LOC128125822: variants seen among roughly 807,000 people sequenced by gnomAD.
At chr6:63,572,611 C>T in the LOC128125822 span, 2 of 419,418 alleles carry the variant, frequency 4.8e-6, no homozygotes, top group South Asian at 1.1e-4. Context: ...CGCTCCGCCA[C>T]GACCACCGCC....
chr6:63,574,674 A>T, the LOC128125822 span, among the ~76,000 whole-genome samples: 1 of 152,206 alleles, frequency 6.6e-6, no homozygotes, highest in Non-Finnish European at 1.5e-5. Flanking sequence ...GCCTCAAATT[A>T]GCTTTTAATT....
chr6:63,573,133 T>G, the LOC128125822 span: 1 of 159,586 alleles, frequency 6.3e-6, no homozygotes, highest in Non-Finnish European at 1.4e-5. Context: ...CGTCCGGGCA[T>G]GGCAGGCTCC....
chr6:63,580,069 A>C, the LOC128125822 span: 2 of 1,603,674 alleles, frequency 1.2e-6, no homozygotes, highest in East Asian at 2.2e-5. Context: ...AGCGGCGTGG[A>C]GCTTTTAACA....
chr6:63,579,063 A>G, the LOC128125822 span: 1 of 1,533,554 alleles, frequency 6.5e-7, no homozygotes, highest in South Asian at 1.3e-5. Context: ...CTAGGTAAAA[A>G]TCTATTGATA....
At chr6:63,581,486 T>C in the LOC128125822 span, 3 of 152,592 alleles carry the variant, frequency 2.0e-5, no homozygotes, top group Non-Finnish European at 2.9e-5. Context: ...AATTAACTTA[T>C]TTTGTAGAAG....
At chr6:63,574,100 C>T in the LOC128125822 span, among the ~76,000 whole-genome samples, 1 of 152,162 alleles carries the variant, frequency 6.6e-6, no homozygotes, top group Admixed American at 6.5e-5. Flanking sequence ...TGAGGCAGTG[C>T]TTCCTGTTAC....
the LOC128125822 span, among the ~76,000 whole-genome samples, chr6:63,576,044 GAA>G: frequency 9.3e-5 from 14 of 151,054 alleles, no homozygotes; most frequent in East Asian, 2.7e-3. Flanking sequence ...ACAATGTAAA[GAA>G]AACAACTATC....
At chr6:63,572,716 T>A in the LOC128125822 span, 1 of 398,682 alleles carries the variant, frequency 2.5e-6, no homozygotes, top group South Asian at 1.3e-4. Context: ...GTAAACATAT[T>A]CCTGTGAGTA....
chr6:63,580,587 A>G, the LOC128125822 span: 2 of 159,576 alleles, frequency 1.3e-5, no homozygotes, highest in African/African-American at 4.8e-5. Context: ...CCCAGGAACT[A>G]TGAACACTAG....
At chr6:63,573,085 C>T in the LOC128125822 span, among the ~76,000 whole-genome samples, 10 of 152,138 alleles carry the variant, frequency 6.6e-5, no homozygotes, top group South Asian at 4.1e-4. Flanking sequence ...GCTTTGTGAC[C>T]GCCGCCTCCG....
the LOC128125822 span, among the ~76,000 whole-genome samples, chr6:63,574,302 G>A: frequency 6.6e-6 from 1 of 152,184 alleles, no homozygotes; most frequent in African/African-American, 2.4e-5. Flanking sequence ...TCTGCACAGA[G>A]ATTACTCTTT....
chr6:63,575,877 G>A, the LOC128125822 span, among the ~76,000 whole-genome samples: 3 of 151,968 alleles, frequency 2.0e-5, no homozygotes, highest in South Asian at 4.1e-4. Flanking sequence ...CTAAGAAAAG[G>A]ATATAAAAGC....
the LOC128125822 span, chr6:63,577,016 T>C: frequency 3.5e-5 from 53 of 1,533,136 alleles, no homozygotes; most frequent in African/African-American, 4.1e-5. Flanking sequence ...GTAGCTTAAA[T>C]TGATTGCAAT....
At chr6:63,576,826 T>G in the LOC128125822 span, 1 of 1,409,562 alleles carries the variant, frequency 7.1e-7, no homozygotes, top group Middle Eastern at 2.5e-4. Flanking sequence ...CATTTCTGTA[T>G]TCAATTTTTT....
At chr6:63,577,286 A>ATT in the LOC128125822 span, among the ~76,000 whole-genome samples, 1 of 152,122 alleles carries the variant, frequency 6.6e-6, no homozygotes, top group Non-Finnish European at 1.5e-5. Context: ...CCATTTATGG[A>ATT]TTTTTTATAT....
the LOC128125822 span, chr6:63,576,793 A>C: frequency 9.7e-6 from 10 of 1,030,396 alleles, no homozygotes; most frequent in Non-Finnish European, 1.3e-5. Context: ...AGTATATTGA[A>C]GTAGACTTCA....
chr6:63,579,229 C>G, the LOC128125822 span: 6 of 1,569,866 alleles, frequency 3.8e-6, no homozygotes, highest in Admixed American at 9.4e-5. Flanking sequence ...TTTGAAAAAA[C>G]TATTTATCAA....
chr6:63,577,069 GAA>G, the LOC128125822 span: 1 of 1,019,232 alleles, frequency 9.8e-7, no homozygotes, highest in Non-Finnish European at 1.5e-6. Flanking sequence ...AACTACTTTG[GAA>G]AAAATGAGAT....
the LOC128125822 span, among the ~76,000 whole-genome samples, chr6:63,574,690 A>C: frequency 3.3e-5 from 5 of 152,242 alleles, no homozygotes; most frequent in Non-Finnish European, 5.9e-5. Context: ...TAATTGAAAA[A>C]AAGGTAATAC....
Sources: gnomAD v4.1 joint callset for allele counts (sites outside exome capture counted in the v4.1 genomes callset) on GRCh38, gnomAD v4.1.1 for gene constraint, MANE v1.5 for transcripts.